Variants in PCBP3 observed in about 807,000 individuals in gnomAD.
The protein encoded by PCBP3 is poly(rC) binding protein 3.
In PCBP3, 25 loss-of-function variants were observed where a neutral mutation model predicts 52.7. The observed-to-expected ratio is 0.47, with a 90% CI of 0.35 to 0.66. PCBP3 has a LOEUF of 0.66. Ranked by LOEUF, PCBP3 falls within the 30% of genes least tolerant of loss-of-function variation. The probability of loss-of-function intolerance (pLI) is 0.01; values close to 1 mark genes in which losing one functional copy is unlikely to be tolerated. For missense variants in PCBP3, 391 were observed against 490.3 expected (o/e 0.80, Z 1.91); for synonymous variants, 162 against 183.0 (o/e 0.89, Z 0.93).
intron 4 of PCBP3, among the ~76,000 whole-genome samples, chr21:45,838,451 G>A (rs953922093): frequency 2.6e-5 from 4 of 152,152 alleles, no homozygotes; most frequent in Non-Finnish European, 4.4e-5. Context: ...AGACCACAGC[G>A]TGAGTATTAG....
chr21:45,920,139 C>T (rs984712276), intron 13 of PCBP3, among the ~76,000 whole-genome samples: 1 of 152,176 alleles, frequency 6.6e-6, no homozygotes, highest in African/African-American at 2.4e-5. Flanking sequence ...TCGATGGGGT[C>T]AGGGTTTGTG....
chr21:45,768,236 A>T (rs1412644824), intron 4 of PCBP3, among the ~76,000 whole-genome samples: 6 of 152,190 alleles, frequency 3.9e-5, no homozygotes, highest in Non-Finnish European at 7.3e-5. Flanking sequence ...GCCTTTGCTG[A>T]TGCTCCCTGC....
chr21:45,929,908 C>A lies in PCBP3; in HGVS notation c.718-9C>A. 1 of 1,611,652 alleles carries A rather than the reference C, an allele frequency of 6.2e-7. No homozygotes were observed. The highest frequency in any genetic ancestry group is 8.5e-7 in the Non-Finnish European group (1 of 1,177,928). Reference sequence around the variant, plus strand: ...AACCTTCTTAGCTCTCGTGTCCCTCCTACCCCAGCAGTTGACCAAGCTCCA... The same window carrying A: ...AACCTTCTTAGCTCTCGTGTCCCTCATACCCCAGCAGTTGACCAAGCTCCA... On this transcript the variant is annotated splice_polypyrimidine_tract_variant and intron_variant, in intron 13 of 17. Coordinates refer to ENST00000681687, the MANE Select transcript of PCBP3 (RefSeq NM_001384156.1).
chr21:45,923,068 G>A (rs1201857495), intron 13 of PCBP3, among the ~76,000 whole-genome samples: 1 of 152,264 alleles, frequency 6.6e-6, no homozygotes, highest in Non-Finnish European at 1.5e-5. Context: ...CCGGGACTCT[G>A]TCGGTGCCAC....
intron 5 of PCBP3, among the ~76,000 whole-genome samples, chr21:45,850,751 G>A (rs2093964099): frequency 6.6e-6 from 1 of 152,238 alleles, no homozygotes; most frequent in Non-Finnish European, 1.5e-5. Context: ...TAAGCATACA[G>A]AGAGCATGTA....
intron 1 of PCBP3, among the ~76,000 whole-genome samples, chr21:45,667,589 C>G (rs769148532): frequency 2.0e-5 from 3 of 151,982 alleles, no homozygotes; most frequent in African/African-American, 7.3e-5. Context: ...TTCTTTAATC[C>G]TTTAGACATG....
At chr21:45,902,808 CTG>C (rs1236988121) in intron 9 of PCBP3, among the ~76,000 whole-genome samples, 1 of 152,234 alleles carries the variant, frequency 6.6e-6, no homozygotes, top group African/African-American at 2.4e-5. Context: ...CAGCAAGAAA[CTG>C]GAGAAAAGCA....
chr21:45,783,153 G>A (rs1054756645), intron 4 of PCBP3, among the ~76,000 whole-genome samples: 1 of 152,190 alleles, frequency 6.6e-6, no homozygotes, highest in South Asian at 2.1e-4. Flanking sequence ...ACTATATGGA[G>A]TAATATTGCA....
At position 45,804,888 on chromosome 21, in the gene PCBP3, G is replaced by A. The variant is rs561848993; in HGVS notation, c.-125-45073G>A. On this transcript the variant is annotated intron_variant, in intron 4 of 17. Transcript: ENST00000681687. ...CACAGGAAGGCCAGGCCGTGTTCCTGGGAGTCAGGCTTACCAGCTCAGAGC... is the reference window on the plus strand; with the variant it reads ...CACAGGAAGGCCAGGCCGTGTTCCTAGGAGTCAGGCTTACCAGCTCAGAGC... 1.2e-4 allele frequency among the ~76,000 whole-genome samples: 19 copies of A among 152,232 alleles called. 1 individual carries two copies. In the South Asian group the frequency reaches 2.1e-3, roughly 17 times the overall value.
intron 1 of PCBP3, among the ~76,000 whole-genome samples, chr21:45,668,193 A>G (rs1049489559): frequency 1.3e-5 from 2 of 152,132 alleles, no homozygotes; most frequent in Non-Finnish European, 2.9e-5. Context: ...AGCTCTATGT[A>G]TGCACCATGG....
At chr21:45,669,585 C>T (rs1381998196) in intron 2 of PCBP3, among the ~76,000 whole-genome samples, 1 of 151,722 alleles carries the variant, frequency 6.6e-6, no homozygotes, top group Non-Finnish European at 1.5e-5. Context: ...AACAATAACT[C>T]CCTCTCCCAA....
intron 1 of PCBP3, among the ~76,000 whole-genome samples, chr21:45,646,474 G>A (rs2079321365): frequency 1.3e-5 from 2 of 151,918 alleles, no homozygotes; most frequent in Admixed American, 1.3e-4. Context: ...GTTTTCTTTT[G>A]CTTATAACAG....
intron 14 of PCBP3, among the ~76,000 whole-genome samples, 192 bp downstream of exon 14, chr21:45,930,187 G>C (rs952471845): frequency 6.6e-6 from 1 of 152,106 alleles, no homozygotes; most frequent in Non-Finnish European, 1.5e-5. Context: ...GGTGGGTCTC[G>C]CTCCCACTGT....
intron 4 of PCBP3, among the ~76,000 whole-genome samples, chr21:45,840,455 T>TAAAAA (rs2093677493): frequency 1.2e-5 from 1 of 83,600 alleles, no homozygotes; most frequent in African/African-American, 5.0e-5. Context: ...GGACCCTGTC[T>TAAAAA]CAAAAAAAAA....
chr21:45,921,589 G>A (rs1433760444), intron 13 of PCBP3, among the ~76,000 whole-genome samples: 3 of 152,362 alleles, frequency 2.0e-5, no homozygotes, highest in Middle Eastern at 3.4e-3. Context: ...GCTGAGGCAG[G>A]TGGATCGCTT....
chr21:45,910,825 G>C, intron 10 of PCBP3, 77 bp from the exon 11 acceptor site: 2 of 1,445,252 alleles, frequency 1.4e-6, no homozygotes, highest in Non-Finnish European at 1.9e-6. Context: ...AGCTGCCTTG[G>C]GTGCCGAGAC....
chr21:45,923,592 G>C (rs554303580), intron 13 of PCBP3, among the ~76,000 whole-genome samples: 103 of 152,244 alleles, frequency 6.8e-4, no homozygotes, highest in African/African-American at 2.4e-3. Flanking sequence ...GGCCCGTGGA[G>C]GTCTGAGAAA....
intron 5 of PCBP3, among the ~76,000 whole-genome samples, chr21:45,887,169 C>T (rs1268947007): frequency 1.3e-4 from 20 of 152,240 alleles, no homozygotes; most frequent in Admixed American, 1.2e-3. Flanking sequence ...CCACGCTGTT[C>T]CCTGTGTGCC....
intron 14 of PCBP3, among the ~76,000 whole-genome samples, 191 bp from the exon 15 acceptor site, chr21:45,930,594 CA>C (rs1045169286): frequency 2.0e-5 from 3 of 152,208 alleles, no homozygotes; most frequent in African/African-American, 7.2e-5. Flanking sequence ...TGCCTGTGGA[CA>C]ACCCCCCTCT....
Sources: allele counts gnomAD v4.1 joint callset (sites outside exome capture counted in the v4.1 genomes callset), GRCh38; gene constraint gnomAD v4.1.1; transcripts MANE v1.5; gene names NCBI Gene and HGNC (gene_info 2026-07-23, HGNC 2026-07-21).